SDK1: variants seen among roughly 807,000 people sequenced by gnomAD.
SDK1 encodes the protein sidekick cell adhesion molecule 1, also known as protein sidekick-1.
Under a neutral mutation model 245.5 loss-of-function variants are expected in SDK1, and 157 were observed. That is an observed-to-expected ratio of 0.64 (90% confidence interval 0.56 to 0.73). The LOEUF is 0.73. SDK1 is among the 30% of genes least tolerant of loss of function. The pLI is 0.00. For missense variants in SDK1, 3,583 were observed against 3,002.3 expected (o/e 1.19, Z -4.52); for synonymous variants, 1,647 against 1,278.5 (o/e 1.29, Z -6.15).
rs375740956 is a variant in SDK1, at chr7:3,967,463, A to G, written c.1546+29A>G. On this transcript the variant is annotated intron_variant, in intron 10 of 44. Coordinates refer to ENST00000404826, the MANE Select transcript of SDK1 (RefSeq NM_152744.4). ...GGTAGCATCCACTGCCCACAACAGC[A>G]TGGCCCATGTAGAACATAACCTATC... The G allele has an allele frequency of 4.4e-6, 6 of 1,365,562 alleles. No homozygotes were observed. In the African/African-American group the frequency reaches 5.7e-5, roughly 13 times the overall value. The allele number at this position is 1,365,562 out of a possible 1,614,324, so 84.6% of individuals were successfully genotyped here.
At chr7:3,843,351 A>C (rs961109189) in intron 5 of SDK1, among the ~76,000 whole-genome samples, 2 of 152,216 alleles carry the variant, frequency 1.3e-5, no homozygotes, top group African/African-American at 4.8e-5. Flanking sequence ...CGGATTCTCT[A>C]TTTTGTAACT....
intron 14 of SDK1, among the ~76,000 whole-genome samples, chr7:4,006,857 T>C (rs950233349): frequency 4.6e-5 from 7 of 152,192 alleles, no homozygotes; most frequent in African/African-American, 1.7e-4. Context: ...AGGAGCTGTT[T>C]ACACTCGGAG....
chr7:3,884,088 T>TTG (rs1781279015), intron 5 of SDK1, among the ~76,000 whole-genome samples: 2 of 101,164 alleles, frequency 2.0e-5, no homozygotes, highest in South Asian at 7.1e-4. Flanking sequence ...TTTTTGTTTT[T>TTG]TTTTTTTTTT....
intron 17 of SDK1, among the ~76,000 whole-genome samples, chr7:4,031,781 C>T (rs1787836485): frequency 6.6e-6 from 1 of 152,006 alleles, no homozygotes; most frequent in African/African-American, 2.4e-5. Flanking sequence ...TTCCCCAGCA[C>T]TTTGGGAGGC....
chr7:3,737,373 G>C (rs1026383829), intron 4 of SDK1, among the ~76,000 whole-genome samples: 2 of 152,204 alleles, frequency 1.3e-5, no homozygotes, highest in Non-Finnish European at 2.9e-5. Context: ...GGTGGTGCAG[G>C]GGGGCGTCCA....
chr7:3,845,899 T>A (rs937644867), intron 5 of SDK1, among the ~76,000 whole-genome samples: 5 of 152,196 alleles, frequency 3.3e-5, no homozygotes, highest in African/African-American at 1.2e-4. Flanking sequence ...CTAGAATAAA[T>A]TCAGTAGAAA....
intron 1 of SDK1, among the ~76,000 whole-genome samples, chr7:3,505,885 G>A (rs941423048): frequency 1.3e-5 from 2 of 152,140 alleles, no homozygotes; most frequent in Non-Finnish European, 2.9e-5. Flanking sequence ...ACCAAGGGAA[G>A]ACTGTTGCTT....
At chr7:3,335,037 C>T (rs139367715) in intron 1 of SDK1, among the ~76,000 whole-genome samples, 1 of 152,060 alleles carries the variant, frequency 6.6e-6, no homozygotes, top group Non-Finnish European at 1.5e-5. Flanking sequence ...GTTTTCTCTG[C>T]TTTTAAAACA....
chr7:3,643,881 A>G (rs752239298), intron 4 of SDK1: 1 of 148,354 alleles, frequency 6.7e-6, no homozygotes, highest in Non-Finnish European at 1.5e-5. Context: ...TATTATTACT[A>G]TTAATAATTA....
Position 4,129,942 on chromosome 7 carries a change from C to T in SDK1, c.3974C>T (p.Pro1325Leu). The change falls in exon 27 of 45, where the codon CCC becomes CTC. Residue 1325 changes from proline to leucine, a missense_variant. Transcript: ENST00000404826. Reference sequence around the variant, plus strand: ...CGGGCCAAAGACCTGGATCCCGAGCCCAGGAGCCACATCGTGCGAGGGAAC... The same window carrying T: ...CGGGCCAAAGACCTGGATCCCGAGCTCAGGAGCCACATCGTGCGAGGGAAC... ...LFRAKDLDPE[P>L]RSHIVRGNHT... 6.2e-7 allele frequency: 1 copy of T among 1,613,780 alleles called. No individual in the cohort carries two copies. The highest frequency in any genetic ancestry group is 8.5e-7 in the Non-Finnish European group (1 of 1,179,934).
intron 1 of SDK1, among the ~76,000 whole-genome samples, chr7:3,313,020 CAGA>C (rs1475552892): frequency 6.6e-6 from 1 of 152,234 alleles, no homozygotes; most frequent in East Asian, 1.9e-4. Context: ...TTGTTCATAG[CAGA>C]AGATGATTGA....
chr7:3,702,468 A>G (rs1052243739), intron 4 of SDK1, among the ~76,000 whole-genome samples: 27 of 152,304 alleles, frequency 1.8e-4, no homozygotes, highest in African/African-American at 4.8e-4. Flanking sequence ...CATACTGGAC[A>G]TGAATAAGCA....
intron 16 of SDK1, 47 bp downstream of exon 16, chr7:4,012,282 G>A (rs370896234): frequency 2.1e-6 from 3 of 1,432,990 alleles, no homozygotes; most frequent in Non-Finnish European, 2.8e-6. Context: ...TTAGAGTTGA[G>A]CGTCGATTTC....
chr7:3,953,320 T>C (rs1231891370), intron 7 of SDK1, among the ~76,000 whole-genome samples: 1 of 152,220 alleles, frequency 6.6e-6, no homozygotes, highest in African/African-American at 2.4e-5. Flanking sequence ...TACAATGCAG[T>C]GCAAACCTGT....
chr7:3,462,418 T>G (rs1780862065), intron 1 of SDK1, among the ~76,000 whole-genome samples: 1 of 152,200 alleles, frequency 6.6e-6, no homozygotes, highest in Non-Finnish European at 1.5e-5. Context: ...CTAGACCTAG[T>G]TCTGTTCCAT....
At chr7:3,973,395 A>G (rs533955663) in intron 12 of SDK1, among the ~76,000 whole-genome samples, 65 of 152,314 alleles carry the variant, frequency 4.3e-4, no homozygotes, top group African/African-American at 1.3e-3. Context: ...CCATATAGCA[A>G]TGAGTGCTGG....
intron 1 of SDK1, among the ~76,000 whole-genome samples, chr7:3,393,780 A>G (rs899042365): frequency 6.6e-6 from 1 of 152,126 alleles, no homozygotes; most frequent in African/African-American, 2.4e-5. Flanking sequence ...AGTTTCTTCA[A>G]AACAGCTATT....
chr7:3,832,275 T>C (rs1461947069), intron 5 of SDK1, among the ~76,000 whole-genome samples: 5 of 152,204 alleles, frequency 3.3e-5, no homozygotes, highest in Admixed American at 2.0e-4. Context: ...TGAGATGATT[T>C]ATATCGCAGA....
At chr7:3,915,068 AC>A (rs1334889742) in intron 5 of SDK1, among the ~76,000 whole-genome samples, 8 of 152,260 alleles carry the variant, frequency 5.3e-5, no homozygotes, top group African/African-American at 1.9e-4. Context: ...ATTCTCTTGT[AC>A]GGCCGTGGAA....
Sources: gnomAD v4.1 joint callset for allele counts (sites outside exome capture counted in the v4.1 genomes callset) on GRCh38, gnomAD v4.1.1 for gene constraint, MANE v1.5 for transcripts, NCBI Gene and HGNC (gene_info 2026-07-23, HGNC 2026-07-21) for gene names.